VCAM1: variants seen among roughly 807,000 people sequenced by gnomAD.
The protein encoded by VCAM1 is vascular cell adhesion protein 1.
A neutral mutation model predicts 63.8 loss-of-function variants in VCAM1; 41 were observed. That is an observed-to-expected ratio of 0.64 (90% CI 0.50 to 0.83). VCAM1 has a LOEUF of 0.83. Among genes scored for constraint, VCAM1 ranks in the 40% least tolerant of loss-of-function variants. The pLI is 0.00. For missense variants in VCAM1, 798 were observed against 875.5 expected (o/e 0.91, Z 1.12); for synonymous variants, 338 against 320.7 (o/e 1.05, Z -0.58).
intron 4 of VCAM1, among the ~76,000 whole-genome samples, chr1:100,725,168 A>G (rs1660120336): frequency 1.3e-5 from 2 of 149,118 alleles, no homozygotes; most frequent in African/African-American, 2.5e-5. Flanking sequence ...TTCCCCTTGG[A>G]TATTGGTATT....
intron 7 of VCAM1, among the ~76,000 whole-genome samples, 166 bp downstream of exon 7, chr1:100,732,850 C>A (rs1186798738): frequency 6.6e-6 from 1 of 152,150 alleles, no homozygotes; most frequent in Non-Finnish European, 1.5e-5. Flanking sequence ...CTGAAATTGT[C>A]TTTTCTCATG....
Position 100,720,760 on chromosome 1 carries a change from T to C in VCAM1, c.340+9T>C. 1 of 1,571,278 alleles carries C rather than the reference T, an allele frequency of 6.4e-7. No homozygotes were observed. The highest frequency in any genetic ancestry group is 8.6e-7 in the Non-Finnish European group (1 of 1,160,154). On this transcript the variant is annotated intron_variant, in intron 2 of 8. Transcript: ENST00000294728. The stretch of plus-strand genomic sequence containing the variant: ...CCAGGTGGAGATCTACTGTGAGTGC[T>C]TTAGAAAATCTTTGTTTTTCTCTCA...
chr1:100,733,356 G>A (rs1038919741), intron 7 of VCAM1, among the ~76,000 whole-genome samples: 1 of 152,054 alleles, frequency 6.6e-6, no homozygotes, highest in African/African-American at 2.4e-5. Flanking sequence ...TGGGTATCAG[G>A]GTTCTTTTCT....
chr1:100,730,717 C>T (rs937987177), intron 5 of VCAM1, among the ~76,000 whole-genome samples: 2 of 152,088 alleles, frequency 1.3e-5, no homozygotes, highest in Admixed American at 1.3e-4. Context: ...AAGAAAGTCT[C>T]TTAGCCTCTA....
At chr1:100,726,571 G>A (rs1660168468) in intron 4 of VCAM1, among the ~76,000 whole-genome samples, 1 of 151,976 alleles carries the variant, frequency 6.6e-6, no homozygotes, top group Admixed American at 6.6e-5. Context: ...GCTCATGTCA[G>A]CCTCCCAGTT....
chr1:100,737,355 T>C (rs913971341), intron 8 of VCAM1: 1 of 152,124 alleles, frequency 6.6e-6, no homozygotes, highest in Non-Finnish European at 1.5e-5. Context: ...CATGGATAAA[T>C]GTTTAATTAA....
chr1:100,724,943 C>T, intron 4 of VCAM1, 53 bp downstream of exon 4: 1 of 1,586,486 alleles, frequency 6.3e-7, no homozygotes, highest in African/African-American at 1.3e-5. Flanking sequence ...GGGATTTGAG[C>T]AATAGTCAAC....
rs3917015 is a variant in VCAM1, at chr1:100,733,484, G to A, written c.1792+800G>A. Among the ~76,000 whole-genome samples, 129 of 152,234 alleles carry A rather than the reference G, an allele frequency of 8.5e-4. 1 individual carries two copies. Among genetic ancestry groups the A allele is most frequent in the South Asian group, 1.7e-3 (8 of 4,820 alleles). On this transcript the variant is annotated intron_variant, in intron 7 of 8. Transcript: ENST00000294728. ...TATTTTAGAAGAAGAATATTGGAAAGACAATACACATCCTTAAAAAACAGA... is the reference window on the plus strand; with the variant it reads ...TATTTTAGAAGAAGAATATTGGAAAAACAATACACATCCTTAAAAAACAGA...
intron 8 of VCAM1, 165 bp from the exon 9 acceptor site, chr1:100,737,946 GATTATTTGGATA>G (rs1192656996): frequency 4.3e-5 from 27 of 623,018 alleles, no homozygotes; most frequent in Non-Finnish European, 7.0e-5. Context: ...ACCACCAACT[GATTATTTGGATA>G]ATTCAGACAA....
At chr1:100,727,926 A>G (rs1349230209) in intron 4 of VCAM1, among the ~76,000 whole-genome samples, 2 of 152,158 alleles carry the variant, frequency 1.3e-5, no homozygotes, top group African/African-American at 4.8e-5. Flanking sequence ...AGAACCATGC[A>G]AAATATAATA....
intron 7 of VCAM1, among the ~76,000 whole-genome samples, chr1:100,733,952 G>A (rs1322780987): frequency 6.6e-6 from 1 of 152,132 alleles, no homozygotes; most frequent in Non-Finnish European, 1.5e-5. Flanking sequence ...TTATAAAAGA[G>A]GTTTAATACA....
At chr1:100,738,100 G>A (rs1660720566) in intron 8 of VCAM1, 23 bp from the exon 9 acceptor site, 3 of 1,608,712 alleles carry the variant, frequency 1.9e-6, no homozygotes, top group African/African-American at 2.7e-5. Context: ...GACATTAATT[G>A]CATCCATTTT....
rs748182800 is a variant in VCAM1 at position 100,723,012 on chromosome 1, C to T, written c.341-8C>T. On this transcript the variant is annotated splice_polypyrimidine_tract_variant and splice_region_variant and intron_variant, in intron 2 of 8. Transcript: ENST00000294728. ...AAGCCCATCCATGTATTTGTTTGGCCTTTTCAGCTTTTCCTAAGGATCCAG... is the reference window on the plus strand; with the variant it reads ...AAGCCCATCCATGTATTTGTTTGGCTTTTTCAGCTTTTCCTAAGGATCCAG... The T allele has an allele frequency of 1.6e-5, 25 of 1,602,842 alleles. No individual in the cohort carries two copies. Among genetic ancestry groups the T allele is most frequent in the Non-Finnish European group, 2.0e-5 (24 of 1,175,592 alleles).
Position 100,724,818 on chromosome 1 carries a change from T to C in VCAM1, c.856T>C (p.Ser286Pro). Residue 286 changes from serine to proline, a missense_variant, in exon 4 of 9, where the codon TCT becomes CCT. Ser to Pro is a moderately conservative substitution (Grantham distance 74). Transcript: ENST00000294728. ...LTLIAMRMED[S>P]GIYVCEGVNL... The stretch of plus-strand genomic sequence containing the variant: ...CTTAATTGCTATGAGGATGGAAGAT[T>C]CTGGAATTTATGTGTGTGAAGGAGT... The C allele has an allele frequency of 6.2e-7, 1 of 1,612,972 alleles. No individual in the cohort carries two copies.
chr1:100,735,550 A>G (rs1433492887), intron 8 of VCAM1: 6 of 152,230 alleles, frequency 3.9e-5, no homozygotes, highest in African/African-American at 1.4e-4. Context: ...AACAAATGCC[A>G]AGTCTTAAGA....
rs757039798 is a variant in VCAM1, at chr1:100,731,204, C to T, written c.1211C>T (p.Pro404Leu). The T allele has an allele frequency of 3.7e-6, 6 of 1,600,894 alleles. No homozygotes were observed. The highest frequency in any genetic ancestry group is 2.3e-5 in the South Asian group (2 of 88,652). Residue 404 changes from proline to leucine, a missense_variant, in exon 6 of 9, where the codon CCT becomes CTT. Physicochemically the swap from Pro to Leu is moderately conservative, Grantham distance 98. Coordinates refer to ENST00000294728, the MANE Select transcript of VCAM1 (RefSeq NM_001078.4). This position sits in a 1 kb window ranked among gnomAD's most constrained non-coding sequence, Gnocchi z 4.2. ...KGIQVELYSF[P>L]RDPEIEMSGG... ...TTTTGCTTGCGATTTGCAGCATTCCCTAGAGATCCAGAAATCGAGATGAGT... is the reference window on the plus strand; with the variant it reads ...TTTTGCTTGCGATTTGCAGCATTCCTTAGAGATCCAGAAATCGAGATGAGT...
chr1:100,722,894 C>A, intron 2 of VCAM1, 126 bp from the exon 3 acceptor site: 1 of 1,069,300 alleles, frequency 9.4e-7, no homozygotes, highest in Non-Finnish European at 1.3e-6. Flanking sequence ...GCTATTCAAA[C>A]AGTTCTGTCG....
rs144111204 is a variant in VCAM1 at position 100,733,543 on chromosome 1, A to C, written c.1792+859A>C. On this transcript the variant is annotated intron_variant, in intron 7 of 8. Transcript: ENST00000294728. ...CAAAAAAACCTTTTGGATGGTTGTCATGACCTTGGATGGGGAAAGAATTTC... is the reference window on the plus strand; with the variant it reads ...CAAAAAAACCTTTTGGATGGTTGTCCTGACCTTGGATGGGGAAAGAATTTC... Among the ~76,000 whole-genome samples the C allele has an allele frequency of 8.6e-4, 131 of 152,346 alleles. 1 individual carries two copies. The highest frequency in any genetic ancestry group is 3.1e-3 in the African/African-American group (129 of 41,592).
At chr1:100,722,189 A>T (rs1368856120) in intron 2 of VCAM1, among the ~76,000 whole-genome samples, 1 of 152,108 alleles carries the variant, frequency 6.6e-6, no homozygotes, top group Non-Finnish European at 1.5e-5. Flanking sequence ...TGAAAAAGGT[A>T]ACTCTTGCAA....
Sources: allele counts gnomAD v4.1 joint callset (sites outside exome capture counted in the v4.1 genomes callset), GRCh38; gene constraint gnomAD v4.1.1; non-coding constraint Gnocchi (gnomAD v3.1); transcripts MANE v1.5; gene names NCBI Gene and HGNC (gene_info 2026-07-23, HGNC 2026-07-21).